PCGF6: variants seen among roughly 807,000 people sequenced by gnomAD.
The protein encoded by PCGF6 is polycomb group RING finger protein 6.
In PCGF6, 24 loss-of-function variants were observed where a neutral mutation model predicts 45.5. The ratio of observed to expected loss-of-function variants is 0.53; its 90% CI spans 0.38 to 0.74. The LOEUF is 0.74. Among genes scored for constraint, PCGF6 ranks in the 30% least tolerant of loss-of-function variants. The pLI, the probability that PCGF6 is intolerant of heterozygous loss-of-function variation, is 0.00. For missense variants in PCGF6, 356 were observed against 443.2 expected (o/e 0.80, Z 1.77); for synonymous variants, 152 against 162.1 (o/e 0.94, Z 0.47).
At chr10:103,315,968 A>ATGTGTG (rs755606997) in intron 8 of PCGF6, among the ~76,000 whole-genome samples, 24 of 118,964 alleles carry the variant, frequency 2.0e-4, no homozygotes, top group African/African-American at 5.9e-4. Flanking sequence ...AACAGCTTAT[A>ATGTGTG]TGTGTGTGTG....
At chr10:103,315,694 A>G (rs1403900908) in intron 8 of PCGF6, among the ~76,000 whole-genome samples, 1 of 151,880 alleles carries the variant, frequency 6.6e-6, no homozygotes, top group Non-Finnish European at 1.5e-5. Flanking sequence ...TTTTGTAGAG[A>G]CAGGGTCTCG....
chr10:103,343,029 C>A (rs1043120044), intron 6 of PCGF6, among the ~76,000 whole-genome samples: 4 of 151,932 alleles, frequency 2.6e-5, no homozygotes, highest in African/African-American at 9.7e-5. Flanking sequence ...CCTGGGTTCA[C>A]GCCATTCTCC....
At chr10:103,339,754 G>C (rs1361799516) in intron 6 of PCGF6, among the ~76,000 whole-genome samples, 1 of 148,842 alleles carries the variant, frequency 6.7e-6, no homozygotes, top group African/African-American at 2.5e-5. Flanking sequence ...CCAAGATCGC[G>C]CCACTGCCCT....
At chr10:103,328,991 G>T (rs920218753) in intron 7 of PCGF6, among the ~76,000 whole-genome samples, 11 of 151,634 alleles carry the variant, frequency 7.3e-5, no homozygotes, top group African/African-American at 2.2e-4. Flanking sequence ...ATGATCTACC[G>T]GCCTCAGCGT....
At chr10:103,325,419 AATTTTTGT>A (rs2093214516) in intron 8 of PCGF6, among the ~76,000 whole-genome samples, 1 of 151,820 alleles carries the variant, frequency 6.6e-6, no homozygotes. Context: ...AGGTCCGGCT[AATTTTTGT>A]ATTTTTTAGT....
At chr10:103,349,218 T>G (rs777950137) in intron 1 of PCGF6, among the ~76,000 whole-genome samples, 1 of 151,418 alleles carries the variant, frequency 6.6e-6, no homozygotes, top group South Asian at 2.1e-4. Context: ...TGGCTAATTT[T>G]TGTATTTTTA....
At chr10:103,350,672 T>C (rs941788260) in intron 1 of PCGF6, 35 bp downstream of exon 1, 1 of 1,416,176 alleles carries the variant, frequency 7.1e-7, no homozygotes, top group Non-Finnish European at 9.3e-7. Context: ...TGACGCCGCT[T>C]GGGCCCAGCG....
intron 8 of PCGF6, 27 bp downstream of exon 8, chr10:103,326,507 C>G (rs775949616): frequency 1.4e-6 from 2 of 1,461,356 alleles, no homozygotes; most frequent in Non-Finnish European, 1.9e-6. Flanking sequence ...ACAACTTTAC[C>G]TATTCTTTTA....
intron 8 of PCGF6, among the ~76,000 whole-genome samples, chr10:103,315,978 G>A (rs1319166363): frequency 2.8e-5 from 3 of 107,388 alleles, no homozygotes; most frequent in African/African-American, 1.1e-4. Flanking sequence ...ATGTGTGTGT[G>A]TGTGTGTGTG....
At chr10:103,322,213 AT>A (rs959570489) in intron 8 of PCGF6, among the ~76,000 whole-genome samples, 2 of 150,708 alleles carry the variant, frequency 1.3e-5, no homozygotes, top group African/African-American at 4.9e-5. Context: ...ACTTATTTTT[AT>A]TTTTTTTGAG....
intron 7 of PCGF6, among the ~76,000 whole-genome samples, chr10:103,330,392 A>T (rs1250260898): frequency 6.6e-6 from 1 of 152,038 alleles, no homozygotes. Flanking sequence ...TATTGTTTCA[A>T]CCAGATACAT....
chr10:103,345,091 T>C lies in PCGF6; in HGVS notation c.715A>G (p.Lys239Glu), dbSNP rs1376061462. The stretch of plus-strand genomic sequence containing the variant: ...ATACGAAACACTGATTCTAGGACTT[T>C]TTTAGATCTTCCTTTGCTTGAAGGG... ...PVPSSKGRSK[K>E]VLESVFRIPP... The change falls in exon 6 of 10, where the codon AAA (lysine) becomes GAA (glutamate). Residue 239 changes from lysine (K) to glutamate (E), a missense_variant. By Grantham distance (56) the Lys-to-Glu change is moderately conservative. Transcript: ENST00000369847. The C allele has an allele frequency of 6.2e-7, 1 of 1,613,256 alleles. No homozygotes were observed. The highest frequency in any genetic ancestry group is 1.3e-5 in the African/African-American group (1 of 74,906).
intron 8 of PCGF6, among the ~76,000 whole-genome samples, chr10:103,320,121 A>G (rs1207014255): frequency 6.6e-6 from 1 of 152,102 alleles, no homozygotes; most frequent in East Asian, 1.9e-4. Context: ...AACTTTTAAG[A>G]TGGAATTAGT....
intron 6 of PCGF6, among the ~76,000 whole-genome samples, chr10:103,340,197 AAATATATAT>A (rs1468067934): frequency 1.1e-5 from 1 of 94,806 alleles, no homozygotes. Context: ...AAAAAAAAAA[AAATATATAT>A]ATATATATAT....
chr10:103,321,269 C>G (rs975392955), intron 8 of PCGF6, among the ~76,000 whole-genome samples: 1 of 152,146 alleles, frequency 6.6e-6, no homozygotes, highest in Admixed American at 6.6e-5. Context: ...TCCAGAGTAG[C>G]TGGGATTACA....
chr10:103,304,764 T>G (rs1430834977), intron 9 of PCGF6, among the ~76,000 whole-genome samples: 1 of 151,324 alleles, frequency 6.6e-6, no homozygotes, highest in Non-Finnish European at 1.5e-5. Flanking sequence ...CAAGCGATCC[T>G]CCCACCTCAG....
chr10:103,328,671 AGTT>A lies in PCGF6; in HGVS notation c.811-2042_811-2040del, dbSNP rs375713112. On this transcript the variant is annotated intron_variant, in intron 7 of 9. Transcript: ENST00000369847. ...ACCTGTCACATAGTAAGCACTGAAG[AGTT>A]GTTAGTGTTGTGAGCCATTTGTCTC... 4.1e-3 allele frequency among the ~76,000 whole-genome samples: 620 copies of A among 152,294 alleles called. 4 individuals carry two copies. Among genetic ancestry groups the A allele is most frequent in the African/African-American group, 0.014 (599 of 41,546 alleles).
intron 1 of PCGF6, 89 bp from the exon 2 acceptor site, chr10:103,349,088 G>A (rs1004853037): frequency 4.4e-6 from 5 of 1,129,990 alleles, no homozygotes; most frequent in Non-Finnish European, 6.3e-6. Context: ...TCACTCTGTA[G>A]CCCAAGCTGA....
chr10:103,318,797 T>C (rs1206705045), intron 8 of PCGF6, among the ~76,000 whole-genome samples: 1 of 152,116 alleles, frequency 6.6e-6, no homozygotes, highest in Non-Finnish European at 1.5e-5. Flanking sequence ...ACTCGCTGTC[T>C]AACAACTACC....
Sources: gnomAD v4.1 joint callset for allele counts (sites outside exome capture counted in the v4.1 genomes callset) on GRCh38, gnomAD v4.1.1 for gene constraint, MANE v1.5 for transcripts, NCBI Gene and HGNC (gene_info 2026-07-23, HGNC 2026-07-21) for gene names.